The following MPC2 variants were observed in gnomAD, a reference collection of about 807,000 sequenced individuals.
The protein encoded by MPC2 is brain protein 44.
A neutral mutation model predicts 19.2 loss-of-function variants in MPC2; 19 were observed. The observed-to-expected ratio is 0.99, with a 90% CI of 0.69 to 1.45. The LOEUF (loss-of-function observed/expected upper bound fraction) is 1.45. Ranked by LOEUF, MPC2 falls within the 40% of genes most tolerant of loss-of-function variation. The pLI is 0.00. For missense variants in MPC2, 122 were observed against 153.0 expected, an observed-to-expected ratio of 0.80 and a Z score of 1.07; for synonymous variants, 61 against 54.3, an observed-to-expected ratio of 1.12 and a Z score of -0.54.
At chr1:167,936,674 C>T (rs1447758548) in intron 1 of MPC2, 1 of 475,890 alleles carries the variant, frequency 2.1e-6, no homozygotes. Flanking sequence ...GAGACTGTTG[C>T]TGATCTTTGG....
chr1:167,926,675 T>A (rs1670764847), intron 2 of MPC2, among the ~76,000 whole-genome samples: 1 of 152,206 alleles, frequency 6.6e-6, no homozygotes, highest in African/African-American at 2.4e-5. Flanking sequence ...CCTGGGATGC[T>A]GTTAAACATC....
chr1:167,924,552 A>C lies in MPC2; in HGVS notation c.110-15T>G, dbSNP rs775051086. On this transcript the variant is annotated splice_polypyrimidine_tract_variant and intron_variant, in intron 2 of 5. Coordinates refer to ENST00000271373, the MANE Select transcript of MPC2 (RefSeq NM_001143674.4). The stretch of plus-strand genomic sequence containing the variant: ...TGTTCTGGGACCTGAAAAAAAAAAG[A>C]AAAGAAAAATTCAGGAATAAACCAA... 57 of 1,506,082 alleles carry C rather than the reference A, an allele frequency of 3.8e-5. No homozygotes were observed. Among genetic ancestry groups the C allele is most frequent in the African/African-American group, 5.7e-5 (4 of 69,594 alleles). The allele number at this position is 1,506,082 out of a possible 1,614,324, so 93.3% of individuals were successfully genotyped here.
chr1:167,936,028 G>C (rs559971510), intron 1 of MPC2, 130 bp from the exon 2 acceptor site: 1 of 604,668 alleles, frequency 1.7e-6, no homozygotes, highest in East Asian at 2.8e-5. Flanking sequence ...GCCCCGCGAA[G>C]GTTGAGGGGG....
At chr1:167,922,402 G>A (rs1670623672) in intron 3 of MPC2, among the ~76,000 whole-genome samples, 1 of 151,954 alleles carries the variant, frequency 6.6e-6, no homozygotes, top group Non-Finnish European at 1.5e-5. Flanking sequence ...AGATCAAAGA[G>A]GCCCCTAAAT....
rs752794073 is a variant in MPC2 at position 167,924,591 on chromosome 1, G to A, written c.110-54C>T. 28 of 1,279,632 alleles carry A rather than the reference G, an allele frequency of 2.2e-5. No homozygotes were observed. The South Asian group carries it at 2.4e-4, about 11-fold the overall frequency. 79.3% of individuals were successfully genotyped at this position (1,279,632 alleles called of 1,614,324 possible). A position where few individuals can be genotyped will look rare whatever the true frequency, so the allele number is the denominator to read the frequency against. On this transcript the variant is annotated intron_variant, in intron 2 of 5. Coordinates refer to ENST00000271373, the MANE Select transcript of MPC2 (RefSeq NM_001143674.4). ...GGAATAAACCAAATATATTATACACGTCTTTTAACAGCTGTCACCAAATTT... is the reference window on the plus strand; with the variant it reads ...GGAATAAACCAAATATATTATACACATCTTTTAACAGCTGTCACCAAATTT...
At chr1:167,929,160 A>G (rs1269411216) in intron 2 of MPC2, among the ~76,000 whole-genome samples, 1 of 151,130 alleles carries the variant, frequency 6.6e-6, no homozygotes, top group East Asian at 1.9e-4. Flanking sequence ...GGAGTTTGAG[A>G]CTAGCCTGAC....
At chr1:167,919,925 G>T (rs1425018623) in intron 5 of MPC2, 54 bp downstream of exon 5, 7 of 1,282,148 alleles carry the variant, frequency 5.5e-6, no homozygotes, top group African/African-American at 1.5e-5. Flanking sequence ...AAAAAAATTA[G>T]TGCCATCTAA....
intron 3 of MPC2, among the ~76,000 whole-genome samples, chr1:167,920,854 C>T (rs1670583591): frequency 6.6e-6 from 1 of 152,124 alleles, no homozygotes; most frequent in Non-Finnish European, 1.5e-5. Flanking sequence ...TAAGCAGTCT[C>T]ACATATCTGA....
At chr1:167,928,320 A>G (rs1056129691) in intron 2 of MPC2, among the ~76,000 whole-genome samples, 144 of 116,276 alleles carry the variant, frequency 1.2e-3, no homozygotes, top group Non-Finnish European at 1.8e-3. Context: ...TGCACTCCAG[A>G]AAAAAAAAAA....
In MPC2 at chr1:167,919,980, T is replaced by A; in HGVS notation, c.346A>T (p.Arg116Ter). ...AGASQLFRIW[R>*]YNQELKAKAH... ...TAAAAATATCTCTGGTAGGCTTACC[T>A]CCAAATACGAAAAAGCTGAGAGGCT... Residue 116 changes from arginine (R) to a stop codon, truncating the protein, a stop_gained and splice_region_variant, in exon 5 of 6, where the codon AGA (arginine) becomes TGA (stop). Coordinates refer to ENST00000271373, the MANE Select transcript of MPC2 (RefSeq NM_001143674.4). LOFTEE classifies it high-confidence loss of function. 1 of 1,608,034 alleles carries A rather than the reference T, an allele frequency of 6.2e-7. No homozygotes were observed. Among genetic ancestry groups the A allele is most frequent in the Non-Finnish European group, 8.5e-7 (1 of 1,177,006 alleles).
In MPC2 at chr1:167,935,662, G is replaced by A. The variant is rs1571527022; in HGVS notation, c.109+71C>T. ...TGCCTCTAGAGGCAGTTGTCAGAGGGCCTCTAAAAGGTCCATTTTAGAGGA... is the reference window on the plus strand; with the variant it reads ...TGCCTCTAGAGGCAGTTGTCAGAGGACCTCTAAAAGGTCCATTTTAGAGGA... On this transcript the variant is annotated intron_variant, in intron 2 of 5. Transcript: ENST00000271373. 9.4e-6 allele frequency: 12 copies of A among 1,281,858 alleles called. No individual in the cohort carries two copies. The East Asian group carries it at 2.8e-4, about 30-fold the overall frequency. The allele number at this position is 1,281,858 out of a possible 1,614,324, so 79.4% of individuals were successfully genotyped here.
chr1:167,931,722 G>A (rs1670916805), intron 2 of MPC2, among the ~76,000 whole-genome samples: 1 of 151,942 alleles, frequency 6.6e-6, no homozygotes, highest in Non-Finnish European at 1.5e-5. Flanking sequence ...ACATATAATA[G>A]AACAATATAT....
At chr1:167,920,915 C>CAT (rs1670584670) in intron 3 of MPC2, among the ~76,000 whole-genome samples, 1 of 152,058 alleles carries the variant, frequency 6.6e-6, no homozygotes, top group Non-Finnish European at 1.5e-5. Context: ...ATTACACGTA[C>CAT]ATATATATTT....
At chr1:167,931,225 C>A (rs1263363820) in intron 2 of MPC2, among the ~76,000 whole-genome samples, 3 of 152,200 alleles carry the variant, frequency 2.0e-5, no homozygotes, top group African/African-American at 7.2e-5. Flanking sequence ...AGCTACCGCG[C>A]CCAGCTGATA....
intron 1 of MPC2, chr1:167,936,326 C>T (rs1024680938): frequency 2.8e-5 from 5 of 181,092 alleles, no homozygotes; most frequent in South Asian, 2.2e-4. Context: ...TAAGCAGGCC[C>T]GTAGTTAAAA....
At position 167,918,258 on chromosome 1, in the gene MPC2, A is replaced by G. The variant is rs1670514176; in HGVS notation, c.*65T>C. The stretch of plus-strand genomic sequence containing the variant: ...AGTTAGCTTTGCTTTATCAATAACC[A>G]AATAATAAACTAGGTCCCAATGGTT... On this transcript the variant is annotated 3_prime_UTR_variant, in exon 6 of 6. Transcript: ENST00000271373. The G allele has an allele frequency of 7.5e-7, 1 of 1,324,804 alleles. No individual in the cohort carries two copies. Among genetic ancestry groups the G allele is most frequent in the African/African-American group, 1.5e-5 (1 of 67,374 alleles). 82.1% of individuals were successfully genotyped at this position (1,324,804 alleles called of 1,614,324 possible). A position where few individuals can be genotyped will look rare whatever the true frequency, so the allele number is the denominator to read the frequency against.
At chr1:167,919,676 G>A (rs370424315) in intron 5 of MPC2, among the ~76,000 whole-genome samples, 46 of 152,242 alleles carry the variant, frequency 3.0e-4, no homozygotes, top group African/African-American at 1.1e-3. Flanking sequence ...GATTATGTGA[G>A]ATGGTTAACC....
At position 167,920,603 on chromosome 1, in the gene MPC2, A is replaced by C; in HGVS notation, c.179T>G (p.Met60Arg). 1 of 1,614,006 alleles carries C rather than the reference A, an allele frequency of 6.2e-7. No individual in the cohort carries two copies. The highest frequency in any genetic ancestry group is 8.5e-7 in the Non-Finnish European group (1 of 1,179,942). ...GCTAAGTTTTTCTGCAGGTCTGGCC[A>C]TATCAGCCAATCCAGCACACACCAA... ...WGLVCAGLAD[M>R]ARPAEKLSTA... Residue 60 changes from methionine (M) to arginine (R), a missense_variant, in exon 4 of 6, where the codon ATG (methionine) becomes AGG (arginine). Coordinates refer to ENST00000271373, the MANE Select transcript of MPC2 (RefSeq NM_001143674.4).
chr1:167,921,594 C>T (rs1445995572), intron 3 of MPC2, among the ~76,000 whole-genome samples: 1 of 152,100 alleles, frequency 6.6e-6, no homozygotes, highest in African/African-American at 2.4e-5. Flanking sequence ...TTAACACTGT[C>T]TCTATTGCAC....
Sources: gnomAD v4.1 joint callset for allele counts (sites outside exome capture counted in the v4.1 genomes callset) on GRCh38, gnomAD v4.1.1 for gene constraint, MANE v1.5 for transcripts, NCBI Gene and HGNC (gene_info 2026-07-23, HGNC 2026-07-21) for gene names.